The following CHSY1 variants were observed in gnomAD, a reference collection of about 807,000 sequenced individuals.
CHSY1 encodes N-acetylgalactosaminyl-proteoglycan 3-beta-glucuronosyltransferase 1.
In CHSY1, 13 loss-of-function variants were observed where a neutral mutation model predicts 59.8. The observed-to-expected ratio is 0.22, with a 90% CI of 0.14 to 0.35. The LOEUF is 0.35. Ranked by LOEUF, CHSY1 falls within the 10% of genes least tolerant of loss-of-function variation. CHSY1 has a pLI of 1.00. For synonymous variants in CHSY1, 459 were observed against 401.2 expected (o/e 1.14, Z -1.72); for missense variants, 947 against 1,030.6 (o/e 0.92, Z 1.11).
chr15:101,181,682 A>G (rs964877174), intron 2 of CHSY1, among the ~76,000 whole-genome samples: 1 of 152,204 alleles, frequency 6.6e-6, no homozygotes, highest in African/African-American at 2.4e-5. Flanking sequence ...AGTAGCACAG[A>G]GGTATTCTTA....
chr15:101,232,996 G>C (rs1203790644), intron 2 of CHSY1, among the ~76,000 whole-genome samples: 1 of 152,076 alleles, frequency 6.6e-6, no homozygotes, highest in African/African-American at 2.4e-5. Context: ...CACCTCCCAA[G>C]GCAGGGAGAC....
intron 1 of CHSY1, among the ~76,000 whole-genome samples, chr15:101,241,982 T>C (rs8036047): frequency 0.31 from 47,566 of 151,966 alleles, 10,270 homozygotes; most frequent in African/African-American, 0.62. Context: ...TAATACCTAA[T>C]ACAATGTAAA....
intron 1 of CHSY1, among the ~76,000 whole-genome samples, chr15:101,249,152 T>G (rs547999637): frequency 6.6e-6 from 1 of 152,000 alleles, no homozygotes. Context: ...CCCACTGATT[T>G]GAATATATTG....
At chr15:101,218,956 A>G (rs1306018053) in intron 2 of CHSY1, among the ~76,000 whole-genome samples, 1 of 152,232 alleles carries the variant, frequency 6.6e-6, no homozygotes, top group African/African-American at 2.4e-5. Context: ...GGTATAGTGC[A>G]GTATCATACA....
intron 2 of CHSY1, among the ~76,000 whole-genome samples, chr15:101,221,218 G>T (rs533425564): frequency 6.6e-6 from 1 of 152,226 alleles, no homozygotes; most frequent in Non-Finnish European, 1.5e-5. Flanking sequence ...AACAGGCCGG[G>T]TGCGGTGGCT....
At chr15:101,197,383 C>G (rs2038520028) in intron 2 of CHSY1, among the ~76,000 whole-genome samples, 1 of 152,168 alleles carries the variant, frequency 6.6e-6, no homozygotes, top group Non-Finnish European at 1.5e-5. Flanking sequence ...AATGTATTCC[C>G]AAGCTCACCT....
chr15:101,209,872 T>C (rs2038666634), intron 2 of CHSY1, among the ~76,000 whole-genome samples: 2 of 152,340 alleles, frequency 1.3e-5, no homozygotes, highest in South Asian at 4.1e-4. Context: ...TGATCTGTAC[T>C]GAATGACAAC....
chr15:101,227,964 A>G (rs1349599566), intron 2 of CHSY1, among the ~76,000 whole-genome samples: 1 of 152,192 alleles, frequency 6.6e-6, no homozygotes, highest in Admixed American at 6.5e-5. Context: ...TCACATTTAA[A>G]TAATAGTAAG....
chr15:101,224,940 T>C (rs2038825221), intron 2 of CHSY1, among the ~76,000 whole-genome samples: 1 of 152,236 alleles, frequency 6.6e-6, no homozygotes, highest in South Asian at 2.1e-4. Context: ...CTCTTAAAAA[T>C]GTGAAAGGAT....
Position 101,178,093 on chromosome 15 carries a change from C to T in CHSY1, c.1704G>A (p.Val568=). The change falls in exon 3 of 3, where the codon GTG becomes GTA. Residue 568 remains valine (V), a synonymous_variant. Transcript: ENST00000254190. ...TGGAGTCAGAATTGAAAAGCAGAACCACGAGCTTGACGTTCTGATTGGGGA... is the reference window on the plus strand; with the variant it reads ...TGGAGTCAGAATTGAAAAGCAGAACTACGAGCTTGACGTTCTGATTGGGGA... ...CLIPNQNVKL[V]VLLFNSDSNP... The T allele has an allele frequency of 3.7e-6, 6 of 1,614,178 alleles. No homozygotes were observed. The highest frequency in any genetic ancestry group is 5.1e-6 in the Non-Finnish European group (6 of 1,180,014).
chr15:101,218,763 A>T (rs1336331073), intron 2 of CHSY1, among the ~76,000 whole-genome samples: 1 of 152,076 alleles, frequency 6.6e-6, no homozygotes, highest in Non-Finnish European at 1.5e-5. Flanking sequence ...TCAAAAACAA[A>T]CCCCTCTATG....
At position 101,178,231 on chromosome 15, in the gene CHSY1, C is replaced by T. The variant is rs74784454; in HGVS notation, c.1566G>A (p.Ser522=). 2,867 of 1,614,190 alleles carry T rather than the reference C, an allele frequency of 1.8e-3. 23 individuals are homozygous for T. In the African/African-American group the frequency reaches 0.022, roughly 13 times the overall value. The change falls in exon 3 of 3, where the codon TCG becomes TCA. Residue 522 remains serine, a synonymous_variant. Transcript: ENST00000254190. ...CTTTGGGTTCTTTGTGCTCACTCTT[C>T]GACCCAGGGAGCTGAAAGGGGACGA... ...KKLVPFQLPG[S]KSEHKEPKDK...
At chr15:101,239,036 A>G (rs913213706) in intron 1 of CHSY1, among the ~76,000 whole-genome samples, 2 of 152,228 alleles carry the variant, frequency 1.3e-5, no homozygotes, top group Non-Finnish European at 2.9e-5. Flanking sequence ...TTGGGAAGTT[A>G]GTAAGGACAA....
chr15:101,203,378 C>T (rs1187098249), intron 2 of CHSY1, among the ~76,000 whole-genome samples: 3 of 152,196 alleles, frequency 2.0e-5, no homozygotes, highest in Non-Finnish European at 2.9e-5. Context: ...CCCACAACTA[C>T]AGTCATTCAA....
At chr15:101,234,998 C>T (rs967524258) in intron 2 of CHSY1, 84 bp downstream of exon 2, 121 of 1,539,360 alleles carry the variant, frequency 7.9e-5, no homozygotes, top group Non-Finnish European at 7.1e-6. Context: ...AGGATATCAT[C>T]TCTAGTTTCC....
chr15:101,204,435 A>AAAT (rs56793692), intron 2 of CHSY1, among the ~76,000 whole-genome samples: 11,597 of 143,826 alleles, frequency 0.081, 476 homozygotes, highest in East Asian at 0.13. Flanking sequence ...ACTCCATCTC[A>AAAT]AATAATAATA....
intron 2 of CHSY1, among the ~76,000 whole-genome samples, chr15:101,198,323 C>T (rs2038530983): frequency 6.6e-6 from 1 of 152,166 alleles, no homozygotes; most frequent in African/African-American, 2.4e-5. Context: ...ACAAGGAACA[C>T]AGTCCCCCGA....
intron 2 of CHSY1, among the ~76,000 whole-genome samples, chr15:101,200,391 G>A (rs1188105531): frequency 6.6e-6 from 1 of 152,168 alleles, no homozygotes; most frequent in Non-Finnish European, 1.5e-5. Flanking sequence ...CTTCTCACAG[G>A]CTGTGTCCTC....
intron 2 of CHSY1, among the ~76,000 whole-genome samples, chr15:101,211,408 G>GA (rs2038681618): frequency 6.6e-6 from 1 of 152,082 alleles, no homozygotes; most frequent in African/African-American, 2.4e-5. Context: ...GTGTCAGACG[G>GA]AAAAAATCCA....
Sources: gnomAD v4.1 joint callset for allele counts (sites outside exome capture counted in the v4.1 genomes callset) on GRCh38, gnomAD v4.1.1 for gene constraint, MANE v1.5 for transcripts, NCBI Gene and HGNC (gene_info 2026-07-23, HGNC 2026-07-21) for gene names.